Variants in ARHGEF18 observed in about 807,000 individuals in gnomAD.
The protein encoded by ARHGEF18 is Rho/Rac guanine nucleotide exchange factor 18.
In ARHGEF18, 93 loss-of-function variants were observed where a neutral mutation model predicts 155.7. That is an observed-to-expected ratio of 0.60 (90% CI 0.50 to 0.71). ARHGEF18 has a LOEUF of 0.71. Among genes scored for constraint, ARHGEF18 ranks in the 30% least tolerant of loss-of-function variants. The pLI, the probability that ARHGEF18 is intolerant of heterozygous loss-of-function variation, is 0.00. For missense variants in ARHGEF18, 1,593 were observed against 1,816.1 expected (o/e 0.88, Z 2.23); for synonymous variants, 742 against 753.1 (o/e 0.99, Z 0.24).
At position 7,447,078 on chromosome 19, in the gene ARHGEF18, G is replaced by C; in HGVS notation, c.1647G>C (p.Lys549Asn). The change falls in exon 15 of 29, where the codon AAG (lysine) becomes AAC (asparagine). Residue 549 changes from lysine (K) to asparagine (N), a missense_variant. Coordinates refer to ENST00000668164, the MANE Select transcript of ARHGEF18 (RefSeq NM_001367823.1). ...SGENGERMKE[K>N]YGVFCSGHNE... ...AAAATGGGGAGAGAATGAAAGAAAA[G>C]TACGGTGTGTTTTGTAGTGGCCACA... is the stretch of plus-strand genomic sequence containing the variant. The C allele has an allele frequency of 6.2e-7, 1 of 1,613,692 alleles. No homozygotes were observed. The highest frequency in any genetic ancestry group is 8.5e-7 in the Non-Finnish European group (1 of 1,179,882).
intron 2 of ARHGEF18, among the ~76,000 whole-genome samples, chr19:7,365,256 G>C (rs1367316576): frequency 2.0e-5 from 3 of 152,088 alleles, no homozygotes; most frequent in Non-Finnish European, 2.9e-5. Context: ...GTGAAACCCT[G>C]TCTCTACTAA....
At position 7,444,272 on chromosome 19, in the gene ARHGEF18, C is replaced by T; in HGVS notation, c.1429C>T (p.Leu477=). Residue 477 remains leucine (L), a synonymous_variant, in exon 14 of 29, where the codon CTG becomes TTG. Transcript: ENST00000668164. This position sits in a 1 kb window ranked among gnomAD's most constrained non-coding sequence, Gnocchi z 4.7. ...CATGCTGAAGGTGTACTCCAGGGCC[C>T]TGCAGGAGGAGCTGCAGTTCAGCAG... is the stretch of plus-strand genomic sequence containing the variant. ...KIMLKVYSRA[L]QEELQFSSKA... 6.2e-7 allele frequency: 1 copy of T among 1,613,686 alleles called. No homozygotes were observed. The highest frequency in any genetic ancestry group is 1.1e-5 in the South Asian group (1 of 91,080).
At chr19:7,361,635 A>G (rs760438236) in intron 1 of ARHGEF18, among the ~76,000 whole-genome samples, 2 of 152,186 alleles carry the variant, frequency 1.3e-5, no homozygotes, top group South Asian at 2.1e-4. Flanking sequence ...ATGTCCATCA[A>G]CAGATCAATG....
chr19:7,375,767 G>T lies in ARHGEF18; in HGVS notation c.323G>T (p.Arg108Leu). Residue 108 changes from arginine to leucine, a missense_variant, in exon 4 of 29, where the codon CGA (arginine) becomes CTA (leucine). Transcript: ENST00000668164. ...SAVDEEPCLP[R>L]TLASLALNLP... Reference sequence around the variant, plus strand: ...GTGGATGAGGAACCCTGTCTCCCCCGAACACTGGCCAGCCTTGCTTTGAAC... The same window carrying T: ...GTGGATGAGGAACCCTGTCTCCCCCTAACACTGGCCAGCCTTGCTTTGAAC... 1.6e-6 allele frequency: 2 copies of T among 1,234,498 alleles called. No individual in the cohort carries two copies. The highest frequency in any genetic ancestry group is 2.0e-6 in the Non-Finnish European group (2 of 988,288). 76.5% of individuals were successfully genotyped at this position (1,234,498 alleles called of 1,614,324 possible). A position where few individuals can be genotyped will look rare whatever the true frequency, so the allele number is the denominator to read the frequency against.
At chr19:7,353,844 T>C (rs2145310771) in intron 1 of ARHGEF18, among the ~76,000 whole-genome samples, 1 of 150,960 alleles carries the variant, frequency 6.6e-6, no homozygotes, top group East Asian at 2.0e-4. Flanking sequence ...TCCCAGCTAC[T>C]AGGGAGGCTG....
rs781143337 is a variant in ARHGEF18, at chr19:7,456,347, A to G, written c.2125A>G (p.Thr709Ala). The G allele has an allele frequency of 1.1e-5, 18 of 1,614,146 alleles. No individual in the cohort carries two copies. The Middle Eastern group carries it at 2.6e-3, about 237-fold the overall frequency. The change falls in exon 18 of 29, where the codon ACC becomes GCC. Residue 709 changes from threonine (T) to alanine (A), a missense_variant. By Grantham distance (58) the Thr-to-Ala change is moderately conservative. Transcript: ENST00000668164. ...CCCAGATATCCTGGCTATCCTGCTG[A>G]CCGACGTACTTTTGCTGCTACAAGA... The part of the protein sequence containing the change: ...RLKDILAILL[T>A]DVLLLLQEKD...
intron 10 of ARHGEF18, among the ~76,000 whole-genome samples, chr19:7,400,640 C>T (rs1971983683): frequency 6.6e-6 from 1 of 152,104 alleles, no homozygotes; most frequent in African/African-American, 2.4e-5. Context: ...CAAGACCAGC[C>T]TGGATAGCAT....
chr19:7,412,507 G>A (rs747962341), intron 10 of ARHGEF18, among the ~76,000 whole-genome samples: 107 of 151,532 alleles, frequency 7.1e-4, no homozygotes, highest in Non-Finnish European at 1.2e-3. Flanking sequence ...TTTGGGAGAC[G>A]AAGGTGGGCG....
At chr19:7,423,832 C>G (rs1973500156) in intron 10 of ARHGEF18, among the ~76,000 whole-genome samples, 1 of 151,760 alleles carries the variant, frequency 6.6e-6, no homozygotes, top group Non-Finnish European at 1.5e-5. Context: ...GCCCGCATCC[C>G]TACACTTGGG....
At chr19:7,446,770 C>G (rs1284521722) in intron 14 of ARHGEF18, among the ~76,000 whole-genome samples, 1 of 151,636 alleles carries the variant, frequency 6.6e-6, no homozygotes, top group Non-Finnish European at 1.5e-5. Context: ...GGTGGCGGCA[C>G]CTGTAATCCC....
Position 7,460,083 on chromosome 19 carries a change from C to T in ARHGEF18, c.2452+89C>T, listed in dbSNP as rs1485836210. 2.4e-6 allele frequency: 3 copies of T among 1,270,128 alleles called. No homozygotes were observed. The African/African-American group carries it at 4.5e-5, about 19-fold the overall frequency. 78.7% of individuals were successfully genotyped at this position (1,270,128 alleles called of 1,614,324 possible). On this transcript the variant is annotated intron_variant, in intron 20 of 28. Transcript: ENST00000668164. ...CTGGCCACAGAGGGTGAACTGCCCC[C>T]CAGGTGACCCGGTGTTTTCCCGTGG...
At position 7,382,872 on chromosome 19, in the gene ARHGEF18, G is replaced by A. The variant is rs960319445; in HGVS notation, c.803G>A (p.Arg268Gln). 32 of 1,232,484 alleles carry A rather than the reference G, an allele frequency of 2.6e-5. No homozygotes were observed. The highest frequency in any genetic ancestry group is 6.2e-5 in the African/African-American group (4 of 64,428). The allele number at this position is 1,232,484 out of a possible 1,614,324, so 76.3% of individuals were successfully genotyped here. The change falls in exon 9 of 29, where the codon CGA becomes CAA. Residue 268 changes from arginine (R) to glutamine (Q), a missense_variant. Coordinates refer to ENST00000668164, the MANE Select transcript of ARHGEF18 (RefSeq NM_001367823.1). Reference sequence around the variant, plus strand: ...CGCAGGCTGAGCTGCCTCCGCAGTCGAGTGACCAGGCAGAAGGAGAAGGTA... The same window carrying A: ...CGCAGGCTGAGCTGCCTCCGCAGTCAAGTGACCAGGCAGAAGGAGAAGGTA... Reference protein sequence around the residue: ...VKRRLSCLRSRVTRQKEKGKS... With the variant: ...VKRRLSCLRSQVTRQKEKGKS...
intron 15 of ARHGEF18, among the ~76,000 whole-genome samples, chr19:7,449,469 A>C (rs1192976862): frequency 1.3e-4 from 20 of 152,098 alleles, no homozygotes; most frequent in Non-Finnish European, 2.9e-4. Flanking sequence ...AGCTACTCGG[A>C]GGCTGAGACA....
intron 1 of ARHGEF18, among the ~76,000 whole-genome samples, chr19:7,356,455 G>A (rs1040485732): frequency 3.3e-5 from 5 of 151,642 alleles, no homozygotes; most frequent in Non-Finnish European, 5.9e-5. Flanking sequence ...TATATTTTTC[G>A]TAGAGACGGG....
downstream of ARHGEF18, chr19:7,472,625 C>T (rs141831760): frequency 6.7e-3 from 1,537 of 231,032 alleles, 13 homozygotes; most frequent in Non-Finnish European, 8.8e-3. Flanking sequence ...TCCTGCTTAA[C>T]GCTCTGAAGA....
chr19:7,440,792 T>C lies in ARHGEF18; in HGVS notation c.1106+310T>C, dbSNP rs913108381. On this transcript the variant is annotated intron_variant, in intron 11 of 28. Coordinates refer to ENST00000668164, the MANE Select transcript of ARHGEF18 (RefSeq NM_001367823.1). This position sits in a 1 kb window ranked among gnomAD's most constrained non-coding sequence, Gnocchi z 5.4. ...AGGCGATGCTCAAAGTCCTGCTGGG[T>C]GTGTGGAGGCGGCGTCCCATTATCT... Among the ~76,000 whole-genome samples the C allele has an allele frequency of 3.3e-5, 5 of 151,988 alleles. No individual in the cohort carries two copies. Among genetic ancestry groups the C allele is most frequent in the African/African-American group, 1.2e-4 (5 of 41,382 alleles).
At chr19:7,363,281 G>A (rs183525278) in intron 2 of ARHGEF18, among the ~76,000 whole-genome samples, 3 of 152,008 alleles carry the variant, frequency 2.0e-5, no homozygotes, top group East Asian at 1.9e-4. Context: ...AATGGATGAC[G>A]GATGACTAGA....
chr19:7,477,364 G>A, downstream of ARHGEF18: 21 of 1,560,044 alleles, frequency 1.3e-5, no homozygotes, highest in Non-Finnish European at 1.7e-5. Flanking sequence ...GGTCGGCCAG[G>A]TTGCTGAGAA....
Position 7,373,633 on chromosome 19 carries a change from A to AC in ARHGEF18, c.275+565dup, listed in dbSNP as rs1472914675. On this transcript the variant is annotated intron_variant, in intron 3 of 28. Transcript: ENST00000668164. ...TGGGATTACAGGCACGCACCACCAC[A>AC]CCCGGCTAATGTTTGTATTTTTAGT... is the stretch of plus-strand genomic sequence containing the variant. 8.6e-5 allele frequency among the ~76,000 whole-genome samples: 13 copies of AC among 150,342 alleles called. No homozygotes were observed. In the East Asian group the frequency reaches 2.6e-3, roughly 30 times the overall value.
Sources: gnomAD v4.1 joint callset for allele counts (sites outside exome capture counted in the v4.1 genomes callset) on GRCh38, gnomAD v4.1.1 for gene constraint, Gnocchi (gnomAD v3.1) non-coding constraint, MANE v1.5 for transcripts, NCBI Gene and HGNC (gene_info 2026-07-23, HGNC 2026-07-21) for gene names.